The following KLF3 variants were observed in gnomAD, a reference collection of about 807,000 sequenced individuals.
KLF3 encodes KLF transcription factor 3, also known as Krueppel-like factor 3.
Under a neutral mutation model 32.7 loss-of-function variants are expected in KLF3, and 6 were observed. That is an observed-to-expected ratio of 0.18 (90% confidence interval 0.10 to 0.36). KLF3 has a LOEUF of 0.36. KLF3 is among the 10% of genes least tolerant of loss of function. The probability of loss-of-function intolerance (pLI) is 1.00; values close to 1 mark genes in which losing one functional copy is unlikely to be tolerated. For synonymous variants in KLF3, 145 were observed against 172.8 expected (o/e 0.84, Z 1.26); for missense variants, 338 against 449.7 (o/e 0.75, Z 2.25).
At chr4:38,679,369 A>G (rs1722448601) in intron 1 of KLF3, among the ~76,000 whole-genome samples, 2 of 152,256 alleles carry the variant, frequency 1.3e-5, no homozygotes. Flanking sequence ...CAAGTTGGCA[A>G]GGTGTTTATC....
intron 5 of KLF3, among the ~76,000 whole-genome samples, chr4:38,695,946 A>G (rs991364976): frequency 6.6e-6 from 1 of 152,150 alleles, no homozygotes; most frequent in Admixed American, 6.5e-5. Context: ...AGGGAAGGAA[A>G]GTGGCAAAAT....
chr4:38,699,306 T>G lies in KLF3; in HGVS notation c.*2043T>G, dbSNP rs1406259871. 6.6e-6 allele frequency: 1 copy of G among 152,190 alleles called. No individual in the cohort carries two copies. The highest frequency in any genetic ancestry group is 1.5e-5 in the Non-Finnish European group (1 of 68,028). The allele number at this position is 152,190 out of a possible 1,614,324, so 9.4% of individuals were successfully genotyped here. ...CTGAAGTTTTTCTTTTTTGCAACTA[T>G]GACATGAATTGAGTGATAAAATGGC... is the stretch of plus-strand genomic sequence containing the variant. On this transcript the variant is annotated 3_prime_UTR_variant, in exon 6 of 6. Coordinates refer to ENST00000261438, the MANE Select transcript of KLF3 (RefSeq NM_016531.6).
Position 38,688,571 on chromosome 4 carries a change from T to C in KLF3, c.58-14T>C. The C allele has an allele frequency of 6.4e-7, 1 of 1,557,794 alleles. No individual in the cohort carries two copies. Among genetic ancestry groups the C allele is most frequent in the Non-Finnish European group, 8.7e-7 (1 of 1,149,260 alleles). The stretch of plus-strand genomic sequence containing the variant: ...ATTTGGCTGTTGACACGTTTTCCTT[T>C]TCTTTTCTAATAGTCATACCCATCT... On this transcript the variant is annotated splice_polypyrimidine_tract_variant and intron_variant, in intron 2 of 5. Coordinates refer to ENST00000261438, the MANE Select transcript of KLF3 (RefSeq NM_016531.6). This position sits in a 1 kb window ranked among gnomAD's most constrained non-coding sequence, Gnocchi z 4.9.
At chr4:38,673,180 C>T (rs1054183076) in intron 1 of KLF3, among the ~76,000 whole-genome samples, 1 of 152,222 alleles carries the variant, frequency 6.6e-6, no homozygotes, top group Non-Finnish European at 1.5e-5. Context: ...ATGGTTCCTT[C>T]TGGTTATTTT....
intron 1 of KLF3, among the ~76,000 whole-genome samples, chr4:38,665,735 A>G (rs1722013009): frequency 6.6e-6 from 1 of 152,188 alleles, no homozygotes; most frequent in South Asian, 2.1e-4. Context: ...GTGCCAGCAA[A>G]ATCAAGTGGG....
chr4:38,686,519 A>G (rs1010904527), intron 2 of KLF3, among the ~76,000 whole-genome samples: 1 of 146,654 alleles, frequency 6.8e-6, no homozygotes, highest in African/African-American at 2.5e-5. Context: ...TTTATTTTTT[A>G]TCTCTGTCAT....
chr4:38,670,040 G>T (rs1722157327), intron 1 of KLF3, among the ~76,000 whole-genome samples: 1 of 151,078 alleles, frequency 6.6e-6, no homozygotes, highest in Non-Finnish European at 1.5e-5. Flanking sequence ...CAGAGAGTTT[G>T]TAGTAAAATT....
intron 2 of KLF3, among the ~76,000 whole-genome samples, chr4:38,684,199 A>G (rs1425901724): frequency 1.3e-5 from 2 of 152,238 alleles, no homozygotes; most frequent in Admixed American, 6.5e-5. Flanking sequence ...TCACCTTAGC[A>G]TAAAGTGATA....
Position 38,674,297 on chromosome 4 carries a change from A to C in KLF3, c.-39-6290A>C, listed in dbSNP as rs142146806. On this transcript the variant is annotated intron_variant, in intron 1 of 5. Coordinates refer to ENST00000261438, the MANE Select transcript of KLF3 (RefSeq NM_016531.6). The surrounding 1 kb of genome is among the most constrained non-coding windows in gnomAD (Gnocchi z 4.1). The stretch of plus-strand genomic sequence containing the variant: ...ACTGTCCTTAAATAATACTTGAGCC[A>C]TTGGGGGATTTTGAAGAATTTGGGT... 3.4e-3 allele frequency among the ~76,000 whole-genome samples: 522 copies of C among 152,254 alleles called. 6 individuals carry two copies. The highest frequency in any genetic ancestry group is 0.012 in the African/African-American group (499 of 41,558).
chr4:38,692,672 C>T (rs1053462057), intron 4 of KLF3, among the ~76,000 whole-genome samples: 1 of 152,126 alleles, frequency 6.6e-6, no homozygotes, highest in Non-Finnish European at 1.5e-5. Flanking sequence ...CTGGAGCCCA[C>T]AGCCTTTCGG....
At chr4:38,695,067 A>T (rs1055144381) in intron 5 of KLF3, among the ~76,000 whole-genome samples, 161 bp downstream of exon 5, 3 of 152,224 alleles carry the variant, frequency 2.0e-5, no homozygotes, top group Non-Finnish European at 4.4e-5. Context: ...AGATATTGCT[A>T]ATGATTTGCC....
chr4:38,677,894 TG>T (rs1722400881), intron 1 of KLF3, among the ~76,000 whole-genome samples: 1 of 151,604 alleles, frequency 6.6e-6, no homozygotes, highest in African/African-American at 2.4e-5. Flanking sequence ...TGTGTGTGTG[TG>T]TGTGTGTGTG....
intron 1 of KLF3, among the ~76,000 whole-genome samples, chr4:38,666,124 AAAAC>A (rs1208336823): frequency 6.6e-6 from 1 of 152,214 alleles, no homozygotes; most frequent in African/African-American, 2.4e-5. Flanking sequence ...TTAGAAGAAA[AAAAC>A]CTAATGTACT....
At chr4:38,684,178 T>C (rs1259973722) in intron 2 of KLF3, among the ~76,000 whole-genome samples, 1 of 152,238 alleles carries the variant, frequency 6.6e-6, no homozygotes, top group Admixed American at 6.5e-5. Context: ...AATGAGAAAC[T>C]ATTGCAATTA....
chr4:38,689,284 A>G (rs1190237425), intron 3 of KLF3, among the ~76,000 whole-genome samples: 2 of 152,166 alleles, frequency 1.3e-5, no homozygotes, highest in Non-Finnish European at 2.9e-5. Flanking sequence ...CCATGACATG[A>G]TTACTTTCAC....
chr4:38,678,225 C>G (rs756193662), intron 1 of KLF3, among the ~76,000 whole-genome samples: 37 of 152,032 alleles, frequency 2.4e-4, no homozygotes, highest in Non-Finnish European at 4.3e-4. Context: ...ATGATCTGAC[C>G]TCATTGATGT....
At chr4:38,670,646 G>C (rs751324848) in intron 1 of KLF3, among the ~76,000 whole-genome samples, 2 of 152,176 alleles carry the variant, frequency 1.3e-5, no homozygotes, top group African/African-American at 2.4e-5. Flanking sequence ...GTTCCGCTGA[G>C]TTTCCAAACC....
chr4:38,687,747 C>G (rs1367335407), intron 2 of KLF3, among the ~76,000 whole-genome samples: 1 of 152,164 alleles, frequency 6.6e-6, no homozygotes, highest in Non-Finnish European at 1.5e-5. Context: ...ACAGACTTGC[C>G]ATTCAAGTCT....
At chr4:38,682,922 TTTC>T (rs1448022242) in intron 2 of KLF3, among the ~76,000 whole-genome samples, 1 of 152,218 alleles carries the variant, frequency 6.6e-6, no homozygotes, top group Non-Finnish European at 1.5e-5. Flanking sequence ...TTTTTTTCTT[TTTC>T]TTTTTTTGGT....
Sources: gnomAD v4.1 joint callset for allele counts (sites outside exome capture counted in the v4.1 genomes callset) on GRCh38, gnomAD v4.1.1 for gene constraint, Gnocchi (gnomAD v3.1) non-coding constraint, MANE v1.5 for transcripts, NCBI Gene and HGNC (gene_info 2026-07-23, HGNC 2026-07-21) for gene names.